Variants in TATDN3 observed in about 807,000 individuals in gnomAD.
TATDN3 encodes the protein deoxyribonuclease TATDN3.
In TATDN3, 29 loss-of-function variants were observed where a neutral mutation model predicts 40.1. The ratio of observed to expected loss-of-function variants is 0.72; its 90% CI spans 0.54 to 0.99. TATDN3 has a LOEUF of 0.99. Ranked by LOEUF, TATDN3 falls within the 50% of genes least tolerant of loss-of-function variation. TATDN3 has a pLI of 0.00. For synonymous variants in TATDN3, 105 were observed against 117.0 expected (o/e 0.90, Z 0.66); for missense variants, 309 against 321.9 (o/e 0.96, Z 0.31).
At chr1:212,804,681 A>G (rs1321191080) in intron 7 of TATDN3, 30 bp downstream of exon 7, 1 of 1,586,332 alleles carries the variant, frequency 6.3e-7, no homozygotes, top group South Asian at 1.1e-5. Context: ...AAATAGGCCT[A>G]ATGTTCAAGT....
intron 4 of TATDN3, among the ~76,000 whole-genome samples, chr1:212,800,470 C>T (rs918002227): frequency 2.6e-5 from 4 of 151,680 alleles, no homozygotes; most frequent in African/African-American, 9.7e-5. Flanking sequence ...TTCTGCTGCC[C>T]CTGCATGGAG....
chr1:212,796,359 G>A (rs1292047855), intron 2 of TATDN3, among the ~76,000 whole-genome samples, 158 bp from the exon 3 acceptor site: 1 of 152,112 alleles, frequency 6.6e-6, no homozygotes, highest in African/African-American at 2.4e-5. Flanking sequence ...TGAACATAAG[G>A]TCTGAAACAT....
intron 4 of TATDN3, among the ~76,000 whole-genome samples, chr1:212,800,188 C>T (rs1388315994): frequency 6.6e-6 from 1 of 152,148 alleles, no homozygotes; most frequent in Non-Finnish European, 1.5e-5. Context: ...TTACCAGGCA[C>T]AGTTTAGGCA....
intron 1 of TATDN3, chr1:212,794,686 T>C: frequency 2.2e-6 from 1 of 458,514 alleles, no homozygotes; most frequent in Non-Finnish European, 4.4e-6. Context: ...GAGGAGCAGA[T>C]GTTCTTGAAG....
rs74140504 is a variant in TATDN3 at position 212,815,340 on chromosome 1, A to G, written c.*184A>G. The G allele has an allele frequency of 4.2e-3, 2,634 of 631,294 alleles. 42 individuals carry two copies. Among genetic ancestry groups the G allele is most frequent in the African/African-American group, 0.036 (1,895 of 52,824 alleles). 39.1% of individuals were successfully genotyped at this position (631,294 alleles called of 1,614,324 possible). On this transcript the variant is annotated 3_prime_UTR_variant, in exon 10 of 10. Coordinates refer to ENST00000366974, the MANE Select transcript of TATDN3 (RefSeq NM_001042552.3). ...TTGGATCCTGAAACCCTGGGTTCTG[A>G]TTCTAGCCTTGTGCTGCTTTTCAAT...
At chr1:212,792,231 C>T (rs1661356039) in intron 1 of TATDN3, among the ~76,000 whole-genome samples, 1 of 152,084 alleles carries the variant, frequency 6.6e-6, no homozygotes, top group South Asian at 2.1e-4. Flanking sequence ...CTTCTGAGTT[C>T]CTGGAATCGT....
intron 9 of TATDN3, among the ~76,000 whole-genome samples, chr1:212,812,911 G>A (rs575676021): frequency 6.6e-6 from 1 of 152,206 alleles, no homozygotes; most frequent in South Asian, 2.1e-4. Flanking sequence ...GGAGGCTGAG[G>A]CAGGAGAATC....
At chr1:212,792,285 T>A (rs1402900286) in intron 1 of TATDN3, among the ~76,000 whole-genome samples, 1 of 152,138 alleles carries the variant, frequency 6.6e-6, no homozygotes, top group Non-Finnish European at 1.5e-5. Flanking sequence ...CTCGGGGCTC[T>A]CACCTCCTGG....
At chr1:212,811,236 A>G (rs1025872294) in intron 8 of TATDN3, among the ~76,000 whole-genome samples, 1 of 151,674 alleles carries the variant, frequency 6.6e-6, no homozygotes, top group Non-Finnish European at 1.5e-5. Flanking sequence ...CCCGGGTTCA[A>G]GTGATTCTGC....
intron 7 of TATDN3, among the ~76,000 whole-genome samples, chr1:212,806,783 T>TGTATACAC (rs1662522102): frequency 1.3e-5 from 1 of 79,522 alleles, no homozygotes; most frequent in Non-Finnish European, 2.4e-5. Context: ...TATATATATA[T>TGTATACAC]ACACACACAC....
chr1:212,805,276 GAC>G (rs929220875), intron 7 of TATDN3, among the ~76,000 whole-genome samples: 7 of 150,484 alleles, frequency 4.7e-5, no homozygotes, highest in African/African-American at 1.5e-4. Flanking sequence ...TATTTTTTGA[GAC>G]ACAGTCTCAC....
intron 1 of TATDN3, among the ~76,000 whole-genome samples, chr1:212,792,493 G>T (rs1181537994): frequency 1.3e-5 from 2 of 148,180 alleles, no homozygotes; most frequent in Non-Finnish European, 3.0e-5. Context: ...AAAAAAGCCG[G>T]TGATTGTGGC....
intron 4 of TATDN3, among the ~76,000 whole-genome samples, chr1:212,798,536 C>CAAAAACAAAAA (rs1661959391): frequency 1.1e-5 from 1 of 91,320 alleles, no homozygotes; most frequent in Non-Finnish European, 2.1e-5. Flanking sequence ...CTCAAAAACT[C>CAAAAACAAAAA]AAAAAAAAAA....
intron 8 of TATDN3, among the ~76,000 whole-genome samples, chr1:212,808,326 A>AC (rs1306785053): frequency 6.6e-6 from 1 of 151,868 alleles, no homozygotes; most frequent in Non-Finnish European, 1.5e-5. Context: ...AAAAAAAAAA[A>AC]AACTAAAAAT....
At position 212,806,783 on chromosome 1, in the gene TATDN3, TAC is replaced by T. The variant is rs1553257532; in HGVS notation, c.488-937_488-936del. Among the ~76,000 whole-genome samples the T allele has an allele frequency of 9.7e-3, 775 of 79,504 alleles. 170 individuals carry two copies. Among genetic ancestry groups the T allele is most frequent in the Non-Finnish European group, 0.014 (573 of 41,484 alleles). 52.2% of individuals were successfully genotyped at this position (79,504 alleles called of 152,430 possible). ...ATATATATATATATATATATATATATACACACACACACACACATATATACACA... is the reference window on the plus strand; with the variant it reads ...ATATATATATATATATATATATATATACACACACACACACATATATACACA... On this transcript the variant is annotated intron_variant, in intron 7 of 9. Coordinates refer to ENST00000366974, the MANE Select transcript of TATDN3 (RefSeq NM_001042552.3).
chr1:212,797,031 C>A, intron 3 of TATDN3, 81 bp from the exon 4 acceptor site: 1 of 1,083,458 alleles, frequency 9.2e-7, no homozygotes, highest in Non-Finnish European at 1.4e-6. Flanking sequence ...CCACCATGCC[C>A]GACCTCTACT....
chr1:212,793,690 A>G (rs557251840), intron 1 of TATDN3, among the ~76,000 whole-genome samples: 1 of 152,184 alleles, frequency 6.6e-6, no homozygotes, highest in Non-Finnish European at 1.5e-5. Context: ...CATTTTAGAG[A>G]GAGAATCCAC....
At position 212,812,375 on chromosome 1, in the gene TATDN3, T is replaced by G. The variant is rs371758557; in HGVS notation, c.681+47T>G. 64 of 1,028,436 alleles carry G rather than the reference T, an allele frequency of 6.2e-5. 3 individuals carry two copies. In the South Asian group the frequency reaches 8.5e-4, roughly 14 times the overall value. The allele number at this position is 1,028,436 out of a possible 1,614,324, so 63.7% of individuals were successfully genotyped here. ...ATATTATTTAGATTGTATCTTTCAT[T>G]TGAGTTCTTTTCAATTTAGCTGTAT... On this transcript the variant is annotated intron_variant, in intron 9 of 9. Transcript: ENST00000366974.
At chr1:212,797,013 GACATAA>G in intron 3 of TATDN3, 93 bp from the exon 4 acceptor site, 1 of 900,314 alleles carries the variant, frequency 1.1e-6, no homozygotes, top group Non-Finnish European at 1.8e-6. Context: ...TGGAATTACA[GACATAA>G]GCCACCATGC....
Sources: gnomAD v4.1 joint callset for allele counts (sites outside exome capture counted in the v4.1 genomes callset) on GRCh38, gnomAD v4.1.1 for gene constraint, MANE v1.5 for transcripts, NCBI Gene and HGNC (gene_info 2026-07-23, HGNC 2026-07-21) for gene names.